The following GLIS3 variants were observed in gnomAD, a reference collection of about 807,000 sequenced individuals.
GLIS3 encodes the protein zinc finger protein GLIS3.
In GLIS3, 53 loss-of-function variants were observed where a neutral mutation model predicts 78.6. That is an observed-to-expected ratio of 0.67 (90% CI 0.54 to 0.85). The LOEUF (loss-of-function observed/expected upper bound fraction) is 0.85, where lower values mean the gene tolerates loss of function less well. Ranked by LOEUF, GLIS3 falls within the 40% of genes least tolerant of loss-of-function variation. The pLI is 0.00. For missense variants in GLIS3, 1,703 were observed against 1,231.1 expected, an observed-to-expected ratio of 1.38 and a Z score of -5.74; for synonymous variants, 684 against 509.9, an observed-to-expected ratio of 1.34 and a Z score of -4.60.
intron 2 of GLIS3, among the ~76,000 whole-genome samples, chr9:4,205,348 G>C (rs74797658): frequency 0.019 from 2,869 of 152,240 alleles, 94 homozygotes; most frequent in African/African-American, 0.061. Context: ...GCCATGACTG[G>C]CTTCAGTCAA....
At chr9:4,083,548 T>C (rs765887039) in intron 4 of GLIS3, among the ~76,000 whole-genome samples, 1 of 152,236 alleles carries the variant, frequency 6.6e-6, no homozygotes, top group Non-Finnish European at 1.5e-5. Context: ...GAAACATTAA[T>C]TTACTTTCCA....
chr9:4,165,646 G>T (rs910813649), intron 2 of GLIS3, among the ~76,000 whole-genome samples: 2 of 152,196 alleles, frequency 1.3e-5, no homozygotes, highest in African/African-American at 4.8e-5. Context: ...ATGCCTGATG[G>T]GCGTCACTCC....
chr9:4,114,973 G>A (rs909802651), intron 4 of GLIS3, among the ~76,000 whole-genome samples: 6 of 152,218 alleles, frequency 3.9e-5, no homozygotes, highest in East Asian at 1.9e-4. Context: ...AGTCCAGGGA[G>A]TTATGGTCAG....
chr9:4,092,578 A>G (rs1187613232), intron 4 of GLIS3, among the ~76,000 whole-genome samples: 1 of 152,142 alleles, frequency 6.6e-6, no homozygotes, highest in Non-Finnish European at 1.5e-5. Context: ...TAAGACATGA[A>G]TACACACATT....
intron 2 of GLIS3, among the ~76,000 whole-genome samples, chr9:4,242,141 G>A (rs1234816704): frequency 6.6e-6 from 1 of 152,142 alleles, no homozygotes; most frequent in Non-Finnish European, 1.5e-5. Context: ...AGGGAAACCT[G>A]GCTTGCTGCT....
At chr9:4,214,381 CACA>C (rs1820639550) in intron 2 of GLIS3, among the ~76,000 whole-genome samples, 1 of 152,172 alleles carries the variant, frequency 6.6e-6, no homozygotes, top group Non-Finnish European at 1.5e-5. Context: ...TACTTAGTGT[CACA>C]ACATGTGTCG....
chr9:4,392,911 T>G, the GLIS3 span, among the ~76,000 whole-genome samples: 1 of 151,854 alleles, frequency 6.6e-6, no homozygotes, highest in Non-Finnish European at 1.5e-5. Flanking sequence ...AGATCACTAT[T>G]CTTCCTGAAT....
chr9:4,065,723 A>G (rs1179612317), intron 4 of GLIS3, among the ~76,000 whole-genome samples: 2 of 152,190 alleles, frequency 1.3e-5, no homozygotes, highest in Non-Finnish European at 2.9e-5. Flanking sequence ...GAATTTTCCA[A>G]GTGAAGAGGT....
intron 9 of GLIS3, among the ~76,000 whole-genome samples, chr9:3,846,756 T>C (rs1482725911): frequency 6.6e-6 from 1 of 152,188 alleles, no homozygotes; most frequent in Non-Finnish European, 1.5e-5. Flanking sequence ...TGTCTCAGTA[T>C]CCTCTTTTAT....
chr9:4,368,824 A>G, the GLIS3 span, among the ~76,000 whole-genome samples: 4 of 152,286 alleles, frequency 2.6e-5, no homozygotes, highest in East Asian at 7.7e-4. Flanking sequence ...CTCTCGTTCT[A>G]ATTCAAAGTG....
At chr9:4,221,071 T>G (rs1821291282) in intron 2 of GLIS3, among the ~76,000 whole-genome samples, 1 of 152,178 alleles carries the variant, frequency 6.6e-6, no homozygotes, top group South Asian at 2.1e-4. Context: ...TCTTTTTTCT[T>G]TTTTCATTTT....
At chr9:3,855,298 C>A (rs1468295804) in intron 9 of GLIS3, 1 of 152,830 alleles carries the variant, frequency 6.5e-6, no homozygotes, top group Non-Finnish European at 1.5e-5. Context: ...ATTTCTCTTG[C>A]TTTCCTTTTC....
At chr9:3,858,509 A>C (rs1819939854) in intron 8 of GLIS3, among the ~76,000 whole-genome samples, 1 of 152,186 alleles carries the variant, frequency 6.6e-6, no homozygotes, top group African/African-American at 2.4e-5. Context: ...TCATGGCTTC[A>C]ACTGACTCAA....
chr9:4,380,139 G>C, the GLIS3 span, among the ~76,000 whole-genome samples: 1 of 152,200 alleles, frequency 6.6e-6, no homozygotes, highest in Non-Finnish European at 1.5e-5. Context: ...AGGCATCTTG[G>C]CTGTATACAG....
the GLIS3 span, among the ~76,000 whole-genome samples, chr9:4,448,075 A>T: frequency 2.9e-4 from 44 of 152,282 alleles, 1 homozygote; most frequent in Middle Eastern, 0.02. Context: ...ACTCTGATAG[A>T]GCCCAGCTTT....
At chr9:3,904,650 CAT>C (rs1823538921) in intron 6 of GLIS3, among the ~76,000 whole-genome samples, 1 of 152,146 alleles carries the variant, frequency 6.6e-6, no homozygotes, top group African/African-American at 2.4e-5. Context: ...GCTGGATGTG[CAT>C]AGTCAACAGG....
chr9:4,328,284 G>A (rs1817631831), intron 2 of GLIS3, among the ~76,000 whole-genome samples: 1 of 152,192 alleles, frequency 6.6e-6, no homozygotes, highest in South Asian at 2.1e-4. Context: ...GGATCATGCT[G>A]TGGCCCCTGA....
chr9:4,369,192 A>G, the GLIS3 span, among the ~76,000 whole-genome samples: 4 of 152,178 alleles, frequency 2.6e-5, no homozygotes, highest in African/African-American at 9.6e-5. Flanking sequence ...CATTTTAATA[A>G]TGTCTGATGG....
chr9:4,081,408 T>G (rs531962080), intron 4 of GLIS3: 4 of 152,136 alleles, frequency 2.6e-5, no homozygotes, highest in Non-Finnish European at 1.5e-5. Context: ...CATTTGGCCA[T>G]GTACCTGGGT....
Sources: allele counts gnomAD v4.1 joint callset (sites outside exome capture counted in the v4.1 genomes callset), GRCh38; gene constraint gnomAD v4.1.1; transcripts MANE v1.5; gene names NCBI Gene and HGNC (gene_info 2026-07-23, HGNC 2026-07-21).